Variants in NAT10 observed in about 807,000 individuals in gnomAD.
NAT10 encodes the protein RNA cytidine acetyltransferase.
A neutral mutation model predicts 132.2 loss-of-function variants in NAT10; 109 were observed. That is an observed-to-expected ratio of 0.82 (90% CI 0.71 to 0.97). The LOEUF is 0.97. NAT10 is among the 50% of genes least tolerant of loss of function. The pLI is 0.00. For synonymous variants in NAT10, 479 were observed against 478.0 expected (o/e 1.00, Z -0.03); for missense variants, 1,184 against 1,263.4 (o/e 0.94, Z 0.95).
chr11:34,131,284 T>C, intron 13 of NAT10, 97 bp from the exon 14 acceptor site: 1 of 1,474,278 alleles, frequency 6.8e-7, no homozygotes. Context: ...CTGGCCACCA[T>C]GGGACAAATA....
At chr11:34,131,624 C>T in intron 14 of NAT10, 93 bp downstream of exon 14, 1 of 1,298,198 alleles carries the variant, frequency 7.7e-7, no homozygotes, top group Non-Finnish European at 1.0e-6. Flanking sequence ...TAGGATGCTG[C>T]TCTAGAGAAA....
intron 6 of NAT10, 119 bp from the exon 7 acceptor site, chr11:34,118,061 C>CT (rs35197446): frequency 1.3e-5 from 10 of 752,454 alleles, no homozygotes; most frequent in Non-Finnish European, 2.2e-5. Context: ...TAGGTTTTAG[C>CT]TTTTTCTGGC....
intron 28 of NAT10, among the ~76,000 whole-genome samples, chr11:34,145,419 C>T (rs1852422043): frequency 6.6e-6 from 1 of 152,182 alleles, no homozygotes; most frequent in Admixed American, 6.5e-5. Context: ...GGACTGAACT[C>T]TTCACGGTCT....
At chr11:34,127,777 CTG>C (rs1852023396) in intron 12 of NAT10, among the ~76,000 whole-genome samples, 178 bp downstream of exon 12, 1 of 152,180 alleles carries the variant, frequency 6.6e-6, no homozygotes, top group Non-Finnish European at 1.5e-5. Flanking sequence ...TCTTAATGAA[CTG>C]TTACACGTCT....
intron 12 of NAT10, among the ~76,000 whole-genome samples, chr11:34,129,647 G>A (rs1177448176): frequency 1.2e-4 from 13 of 111,662 alleles, no homozygotes; most frequent in African/African-American, 4.2e-4. Flanking sequence ...TGACTCTGTC[G>A]CCAAGGCTGG....
At chr11:34,106,015 T>C (rs945197953) in intron 1 of NAT10, 1 of 152,428 alleles carries the variant, frequency 6.6e-6, no homozygotes, top group Non-Finnish European at 1.5e-5. Context: ...CCTCGGGGAT[T>C]TGCGTGGCTC....
intron 3 of NAT10, among the ~76,000 whole-genome samples, chr11:34,111,567 A>T (rs1235743222): frequency 1.3e-5 from 2 of 152,158 alleles, no homozygotes; most frequent in Non-Finnish European, 2.9e-5. Flanking sequence ...TGTCTTATGT[A>T]AGACCTGCCC....
Position 34,146,064 on chromosome 11 carries a change from T to G in NAT10, c.2970-20T>G. On this transcript the variant is annotated intron_variant, in intron 28 of 28. Transcript: ENST00000257829. Reference sequence around the variant, plus strand: ...AGATCTGTACATATTTCATTCTTTCTATTTTTGATTTTTCTCTAGTGACAA... The same window carrying G: ...AGATCTGTACATATTTCATTCTTTCGATTTTTGATTTTTCTCTAGTGACAA... 6.6e-7 allele frequency: 1 copy of G among 1,517,670 alleles called. No homozygotes were observed. 94.0% of individuals were successfully genotyped at this position (1,517,670 alleles called of 1,614,324 possible). A position where few individuals can be genotyped will look rare whatever the true frequency, so the allele number is the denominator to read the frequency against.
chr11:34,131,090 G>A (rs1476610856), intron 13 of NAT10, among the ~76,000 whole-genome samples, 153 bp downstream of exon 13: 1 of 152,074 alleles, frequency 6.6e-6, no homozygotes, highest in African/African-American at 2.4e-5. Context: ...AGCTTTTTTC[G>A]GAGGAACAGC....
chr11:34,124,826 G>A (rs1282562574), intron 11 of NAT10, among the ~76,000 whole-genome samples: 3 of 152,152 alleles, frequency 2.0e-5, no homozygotes, highest in African/African-American at 7.2e-5. Context: ...TTTAGCCAGT[G>A]GCCTATTTTC....
chr11:34,138,118 G>A (rs1033861075), intron 21 of NAT10, among the ~76,000 whole-genome samples: 1 of 152,206 alleles, frequency 6.6e-6, no homozygotes, highest in African/African-American at 2.4e-5. Flanking sequence ...TTGCTGCTGG[G>A]TTCGATCCTG....
rs201239458 is a variant in NAT10 at position 34,118,394 on chromosome 11, A to T, written c.673-2A>T. ...ACCTTCCCCTTCTCCTCTCTCTGGT[A>T]GGATGAGAGTCTTGGTCCTTCTGAT... On this transcript the variant is annotated splice_acceptor_variant, in intron 7 of 28. Transcript: ENST00000257829. LOFTEE classifies it high-confidence loss of function. 1 of 1,613,780 alleles carries T rather than the reference A, an allele frequency of 6.2e-7. No homozygotes were observed. The highest frequency in any genetic ancestry group is 8.5e-7 in the Non-Finnish European group (1 of 1,179,700).
chr11:34,113,380 G>A (rs1174500515), intron 4 of NAT10, among the ~76,000 whole-genome samples: 1 of 152,042 alleles, frequency 6.6e-6, no homozygotes, highest in African/African-American at 2.4e-5. Context: ...TCGTATATTC[G>A]AGGGTTTGGC....
intron 23 of NAT10, among the ~76,000 whole-genome samples, chr11:34,139,730 C>T (rs1852286659): frequency 6.6e-6 from 1 of 152,130 alleles, no homozygotes; most frequent in South Asian, 2.1e-4. Flanking sequence ...CCATTTAGTT[C>T]ATGTAGCTGG....
At chr11:34,131,750 A>G (rs1160988022) in intron 14 of NAT10, among the ~76,000 whole-genome samples, 3 of 149,768 alleles carry the variant, frequency 2.0e-5, no homozygotes, top group African/African-American at 7.4e-5. Context: ...CAGTGGCACA[A>G]TCTCAGCTCA....
intron 28 of NAT10, 21 bp from the exon 29 acceptor site, chr11:34,146,063 C>G (rs770090805): frequency 6.6e-7 from 1 of 1,510,398 alleles, no homozygotes; most frequent in South Asian, 1.2e-5. Flanking sequence ...TTCATTCTTT[C>G]TATTTTTGAT....
rs1851828568 is a variant in NAT10, at chr11:34,118,625, C to T, written c.780+122C>T. The stretch of plus-strand genomic sequence containing the variant: ...CTCCCTGGAGAAGGGGACTTTTCCC[C>T]TTGCTCATACTCGTGTGTGCTCAGC... On this transcript the variant is annotated intron_variant, in intron 8 of 28. Transcript: ENST00000257829. 4.4e-6 allele frequency: 3 copies of T among 680,174 alleles called. No individual in the cohort carries two copies. In the South Asian group the frequency reaches 5.8e-5, roughly 13 times the overall value. The allele number at this position is 680,174 out of a possible 1,614,324, so 42.1% of individuals were successfully genotyped here.
intron 11 of NAT10, among the ~76,000 whole-genome samples, chr11:34,126,385 T>C (rs1356856412): frequency 1.3e-5 from 2 of 152,244 alleles, no homozygotes; most frequent in Non-Finnish European, 2.9e-5. Context: ...TTGTCCTCCT[T>C]CAGCTTTCCT....
intron 15 of NAT10, 74 bp from the exon 16 acceptor site, chr11:34,132,952 G>T: frequency 8.3e-7 from 1 of 1,203,016 alleles, no homozygotes; most frequent in Non-Finnish European, 1.2e-6. Flanking sequence ...TCATCCTGTG[G>T]TTCTGAATCG....
Sources: allele counts gnomAD v4.1 joint callset (sites outside exome capture counted in the v4.1 genomes callset), GRCh38; gene constraint gnomAD v4.1.1; transcripts MANE v1.5; gene names NCBI Gene and HGNC (gene_info 2026-07-23, HGNC 2026-07-21).